Variants in CHD9 observed in about 807,000 individuals in gnomAD.
CHD9 encodes chromodomain helicase DNA binding protein 9.
In CHD9, 77 loss-of-function variants were observed where a neutral mutation model predicts 316.1. The observed-to-expected ratio is 0.24, with a 90% CI of 0.20 to 0.29. The LOEUF is 0.29. Among genes scored for constraint, CHD9 ranks in the 10% least tolerant of loss-of-function variants. The pLI is 1.00. For missense variants in CHD9, 2,763 were observed against 3,438.1 expected, an observed-to-expected ratio of 0.80 and a Z score of 4.91; for synonymous variants, 1,129 against 1,158.3, an observed-to-expected ratio of 0.97 and a Z score of 0.51.
chr16:53,317,070 C>T (rs932660455), intron 36 of CHD9, among the ~76,000 whole-genome samples: 3 of 150,730 alleles, frequency 2.0e-5, no homozygotes, highest in Non-Finnish European at 4.4e-5. Flanking sequence ...GTGGCGGGTG[C>T]CTGTAGTCCC....
chr16:53,067,829 T>C (rs538976129), intron 1 of CHD9, among the ~76,000 whole-genome samples: 3 of 152,002 alleles, frequency 2.0e-5, no homozygotes, highest in Admixed American at 2.0e-4. Flanking sequence ...AGGAAGTCAC[T>C]GAGCAGCCCA....
intron 32 of CHD9, 150 bp downstream of exon 32, chr16:53,306,547 C>A: frequency 1.9e-6 from 1 of 535,798 alleles, no homozygotes; most frequent in East Asian, 3.3e-5. Flanking sequence ...TAAATTACTG[C>A]TATCAAGTAA....
Position 53,307,892 on chromosome 16 carries a change from C to T in CHD9, c.6992C>T (p.Thr2331Ile). ...GTTAAAGAAGAACATGATCAGTCAA[C>T]ACAGATGTCAAAGGTGAAGAAGCAT... is the stretch of plus-strand genomic sequence containing the variant. ...AGVKEEHDQS[T>I]QMSKVKKHVR... The change falls in exon 33 of 39, where the codon ACA (threonine) becomes ATA (isoleucine). Residue 2331 changes from threonine to isoleucine, a missense_variant. By Grantham distance (89) the Thr-to-Ile change is moderately conservative. This residue lies in a region of CHD9 where 663 missense variants were observed against 751.2 expected (regional missense o/e 0.88). Transcript: ENST00000447540. 1 of 1,613,672 alleles carries T rather than the reference C, an allele frequency of 6.2e-7. No homozygotes were observed. The highest frequency in any genetic ancestry group is 1.1e-5 in the South Asian group (1 of 90,950).
intron 3 of CHD9, 27 bp from the exon 4 acceptor site, chr16:53,222,617 C>A: frequency 9.6e-7 from 1 of 1,043,766 alleles, no homozygotes; most frequent in African/African-American, 1.6e-5. Flanking sequence ...AGAATTCATA[C>A]TTTTTATTCT....
intron 1 of CHD9, among the ~76,000 whole-genome samples, chr16:53,058,340 C>T (rs931862844): frequency 2.0e-5 from 3 of 152,112 alleles, no homozygotes; most frequent in Admixed American, 6.5e-5. Context: ...AGGCTGGTCT[C>T]GAGCTCCCGA....
In CHD9 at chr16:53,308,729, A is replaced by T. The variant is rs1001663768; in HGVS notation, c.7097A>T (p.Gln2366Leu). 6 of 1,613,362 alleles carry T rather than the reference A, an allele frequency of 3.7e-6. No homozygotes were observed. In the South Asian group the frequency reaches 6.6e-5, roughly 18 times the overall value. ...ACATTTCAGAAGCAAGGGCTTGCTC[A>T]GAAAAGACCATTTGATGGTGAAGAC... ...KLTFQKQGLA[Q>L]KRPFDGEDGA... The change falls in exon 34 of 39, where the codon CAG becomes CTG. Residue 2366 changes from glutamine to leucine, a missense_variant. Coordinates refer to ENST00000447540, the MANE Select transcript of CHD9 (RefSeq NM_001308319.2).
chr16:53,212,177 G>A lies in CHD9; in HGVS notation c.1784+2364G>A, dbSNP rs532971899. Among the ~76,000 whole-genome samples the A allele has an allele frequency of 1.3e-4, 20 of 152,064 alleles. No individual in the cohort carries two copies. The South Asian group carries it at 3.5e-3, about 27-fold the overall frequency. ...AGCACTTTGGGAGGCCGAGGCGGGC[G>A]GATCACGAGGTCAGGAGATTGAGAC... is the stretch of plus-strand genomic sequence containing the variant. On this transcript the variant is annotated intron_variant, in intron 3 of 38. Coordinates refer to ENST00000447540, the MANE Select transcript of CHD9 (RefSeq NM_001308319.2).
chr16:53,134,240 C>T (rs2039553478), intron 1 of CHD9, among the ~76,000 whole-genome samples: 1 of 152,184 alleles, frequency 6.6e-6, no homozygotes, highest in South Asian at 2.1e-4. Context: ...TGGAAAACTT[C>T]AGAAGCCAAA....
In CHD9 at chr16:53,303,844, A is replaced by G. The variant is rs573720540; in HGVS notation, c.5838A>G (p.Glu1946=). 6.2e-7 allele frequency: 1 copy of G among 1,613,996 alleles called. No homozygotes were observed. The highest frequency in any genetic ancestry group is 8.5e-7 in the Non-Finnish European group (1 of 1,179,876). ...EQALRHPQLF[E]RLKLCHPNPD... ...CCCTTCGACATCCACAGTTGTTTGA[A>G]CGCTTGAAGCTTTGCCATCCAAATC... The change falls in exon 31 of 39, where the codon GAA becomes GAG. Residue 1946 remains glutamate (E), a synonymous_variant. Transcript: ENST00000447540.
chr16:53,322,455 A>G (rs1314979511), intron 38 of CHD9, among the ~76,000 whole-genome samples: 4 of 151,814 alleles, frequency 2.6e-5, no homozygotes, highest in Non-Finnish European at 4.4e-5. Flanking sequence ...AAAAATACAA[A>G]AATTAGCCAG....
At chr16:53,232,369 G>A (rs1242528063) in intron 10 of CHD9, among the ~76,000 whole-genome samples, 2 of 152,080 alleles carry the variant, frequency 1.3e-5, no homozygotes, top group African/African-American at 4.8e-5. Context: ...TCAGTCAAAG[G>A]TGCATATCAG....
At chr16:53,224,791 C>T (rs989539827) in intron 4 of CHD9, among the ~76,000 whole-genome samples, 25 of 152,210 alleles carry the variant, frequency 1.6e-4, no homozygotes, top group Non-Finnish European at 2.5e-4. Flanking sequence ...ATATGGTGCC[C>T]ATAATAGAAT....
chr16:53,061,881 A>C (rs1173624843), intron 1 of CHD9, among the ~76,000 whole-genome samples: 1 of 152,222 alleles, frequency 6.6e-6, no homozygotes, highest in African/African-American at 2.4e-5. Flanking sequence ...TTTGCTTTCT[A>C]AGATGTGCAA....
At chr16:53,238,289 A>T in intron 11 of CHD9, 54 bp from the exon 12 acceptor site, 1 of 1,411,228 alleles carries the variant, frequency 7.1e-7, no homozygotes. Flanking sequence ...TTTATCTTTA[A>T]AGTATAGAAA....
At chr16:53,231,818 T>C (rs748336848) in intron 10 of CHD9, 34 bp downstream of exon 10, 15 of 1,545,624 alleles carry the variant, frequency 9.7e-6, no homozygotes, top group Non-Finnish European at 1.3e-5. Context: ...TTATAAAATC[T>C]TAGCACTTGT....
At chr16:53,128,483 G>A (rs887274236) in intron 1 of CHD9, among the ~76,000 whole-genome samples, 1 of 152,032 alleles carries the variant, frequency 6.6e-6, no homozygotes, top group African/African-American at 2.4e-5. Flanking sequence ...CGCCTGGCCC[G>A]GAATGGAGAC....
At chr16:53,305,010 G>T (rs1352672778) in intron 31 of CHD9, among the ~76,000 whole-genome samples, 1 of 150,674 alleles carries the variant, frequency 6.6e-6, no homozygotes, top group Non-Finnish European at 1.5e-5. Context: ...AACTTTTCAA[G>T]TGAAAATGAA....
intron 30 of CHD9, among the ~76,000 whole-genome samples, chr16:53,302,249 A>C (rs930774230): frequency 1.3e-5 from 2 of 152,224 alleles, no homozygotes; most frequent in African/African-American, 4.8e-5. Flanking sequence ...AGCTTCCTGC[A>C]ATCCGTAACA....
rs776168063 is a variant in CHD9, at chr16:53,267,358, A to G, written c.4385A>G (p.Asp1462Gly). Residue 1462 changes from aspartate to glycine, a missense_variant, in exon 21 of 39, where the codon GAT (aspartate) becomes GGT (glycine). By Grantham distance (94) the Asp-to-Gly change is moderately conservative (BLOSUM62 -1). Transcript: ENST00000447540. ...KQTRPFSATK[D>G]ELAELSEAES... ...ACAAGACCTTTTAGTGCCACAAAAGATGAATTGGCTGAATTATCTGAAGCT... is the reference window on the plus strand; with the variant it reads ...ACAAGACCTTTTAGTGCCACAAAAGGTGAATTGGCTGAATTATCTGAAGCT... 5.6e-6 allele frequency: 9 copies of G among 1,612,868 alleles called. No homozygotes were observed. The highest frequency in any genetic ancestry group is 7.6e-6 in the Non-Finnish European group (9 of 1,179,212).
Sources: allele counts gnomAD v4.1 joint callset (sites outside exome capture counted in the v4.1 genomes callset), GRCh38; gene constraint gnomAD v4.1.1; regional missense constraint gnomAD v4.1.1; transcripts MANE v1.5; gene names NCBI Gene and HGNC (gene_info 2026-07-23, HGNC 2026-07-21).